The following B3GALT1 variants were observed in gnomAD, a reference collection of about 807,000 sequenced individuals.
B3GALT1 encodes UDP-Gal:betaGlcNAc beta 1,3-galactosyltransferase, polypeptide 1.
B3GALT1 carries 10 observed loss-of-function variants against 23.2 expected under a neutral mutation model. That is an observed-to-expected ratio of 0.43 (90% CI 0.27 to 0.73). The LOEUF is 0.73. B3GALT1 is among the 30% of genes least tolerant of loss of function. B3GALT1 has a pLI of 0.21. For missense variants in B3GALT1, 299 were observed against 405.4 expected, an observed-to-expected ratio of 0.74 and a Z score of 2.25; for synonymous variants, 156 against 141.5, an observed-to-expected ratio of 1.10 and a Z score of -0.73.
chr2:167,773,404 C>CT (rs1016636655), intron 3 of B3GALT1, among the ~76,000 whole-genome samples: 1 of 152,090 alleles, frequency 6.6e-6, no homozygotes, highest in African/African-American at 2.4e-5. Context: ...ATGACTAACA[C>CT]TTCTAAATGG....
chr2:167,462,895 A>G (rs1246599328), intron 1 of B3GALT1, among the ~76,000 whole-genome samples: 1 of 152,164 alleles, frequency 6.6e-6, no homozygotes, highest in Non-Finnish European at 1.5e-5. Context: ...CCTTTTTCAG[A>G]GAATAAAATT....
At chr2:167,472,680 C>G (rs1472973657) in intron 1 of B3GALT1, among the ~76,000 whole-genome samples, 1 of 152,108 alleles carries the variant, frequency 6.6e-6, no homozygotes, top group Admixed American at 6.6e-5. Context: ...GTTCCGTGCT[C>G]TTCCTTTGTC....
At chr2:167,681,723 T>A (rs1198838833) in intron 3 of B3GALT1, among the ~76,000 whole-genome samples, 2 of 152,186 alleles carry the variant, frequency 1.3e-5, no homozygotes, top group African/African-American at 4.8e-5. Context: ...TCTAAACCCA[T>A]ATATGTAGGG....
chr2:167,704,076 G>A (rs1385331613), intron 3 of B3GALT1, among the ~76,000 whole-genome samples: 1 of 151,462 alleles, frequency 6.6e-6, no homozygotes, highest in Non-Finnish European at 1.5e-5. Flanking sequence ...AGCTACTCGG[G>A]AGGCTGAGGC....
At chr2:167,624,073 T>C (rs917012534) in intron 2 of B3GALT1, among the ~76,000 whole-genome samples, 2 of 151,992 alleles carry the variant, frequency 1.3e-5, no homozygotes, top group African/African-American at 4.8e-5. Flanking sequence ...CAAGTCAAGA[T>C]TCAATGGGCT....
intron 1 of B3GALT1, among the ~76,000 whole-genome samples, chr2:167,332,902 AC>A (rs1246160047): frequency 6.6e-6 from 1 of 152,260 alleles, no homozygotes; most frequent in African/African-American, 2.4e-5. Context: ...ATTAATCAGT[AC>A]ATTTCATGCC....
intron 3 of B3GALT1, among the ~76,000 whole-genome samples, chr2:167,664,984 A>T (rs546341857): frequency 0.026 from 4,000 of 151,114 alleles, 169 homozygotes; most frequent in African/African-American, 0.092. Context: ...CCCTGGCCAG[A>T]ACTTCCAACA....
chr2:167,567,233 A>G (rs1185680489), intron 2 of B3GALT1, among the ~76,000 whole-genome samples: 1 of 152,198 alleles, frequency 6.6e-6, no homozygotes, highest in Non-Finnish European at 1.5e-5. Flanking sequence ...TTAAAACTCA[A>G]AAAAATAAGA....
chr2:167,697,660 A>T (rs1318015609), intron 3 of B3GALT1, among the ~76,000 whole-genome samples: 1 of 152,208 alleles, frequency 6.6e-6, no homozygotes, highest in Non-Finnish European at 1.5e-5. Context: ...TTAACCAGGA[A>T]ATCAAGTATT....
intron 2 of B3GALT1, among the ~76,000 whole-genome samples, chr2:167,559,021 A>T (rs1011366789): frequency 1.3e-5 from 2 of 152,176 alleles, no homozygotes; most frequent in Non-Finnish European, 2.9e-5. Context: ...TGGGTCCCTG[A>T]CCCATGTCCC....
At chr2:167,394,371 C>T (rs1698062593) in intron 1 of B3GALT1, among the ~76,000 whole-genome samples, 1 of 152,076 alleles carries the variant, frequency 6.6e-6, no homozygotes, top group African/African-American at 2.4e-5. Flanking sequence ...TTGCATTTAA[C>T]TCAGAAACAA....
Position 167,367,670 on chromosome 2 carries a change from A to G in B3GALT1, c.-511+74336A>G, listed in dbSNP as rs547757460. 2.6e-5 allele frequency among the ~76,000 whole-genome samples: 4 copies of G among 152,310 alleles called. No individual in the cohort carries two copies. In the East Asian group the frequency reaches 7.7e-4, roughly 29 times the overall value. The stretch of plus-strand genomic sequence containing the variant: ...ACTTTACATCTGGGAAAGGCAACAC[A>G]GTTCTTTCCATTTAAGTACATAGAC... On this transcript the variant is annotated intron_variant, in intron 1 of 4. Coordinates refer to ENST00000392690, the MANE Select transcript of B3GALT1 (RefSeq NM_020981.4).
chr2:167,842,838 AT>A (rs1424103631), intron 4 of B3GALT1, among the ~76,000 whole-genome samples: 1 of 152,170 alleles, frequency 6.6e-6, no homozygotes, highest in Non-Finnish European at 1.5e-5. Flanking sequence ...ATGCCACTGT[AT>A]TCCAGCCTGC....
At chr2:167,727,395 A>G (rs958374692) in intron 3 of B3GALT1, among the ~76,000 whole-genome samples, 1 of 152,192 alleles carries the variant, frequency 6.6e-6, no homozygotes, top group Non-Finnish European at 1.5e-5. Context: ...TTAATCACAT[A>G]TAAGATAATA....
intron 1 of B3GALT1, among the ~76,000 whole-genome samples, chr2:167,480,804 A>G (rs1264299205): frequency 6.6e-6 from 1 of 152,128 alleles, no homozygotes; most frequent in Non-Finnish European, 1.5e-5. Context: ...TATTTTGGGA[A>G]GTTTCTATCA....
At chr2:167,804,842 A>G (rs567755499) in intron 3 of B3GALT1, among the ~76,000 whole-genome samples, 237 of 152,330 alleles carry the variant, frequency 1.6e-3, no homozygotes, top group Non-Finnish European at 3.0e-3. Context: ...GTATATACCC[A>G]GTAATGGGAT....
chr2:167,463,492 G>T (rs559368344), intron 1 of B3GALT1, among the ~76,000 whole-genome samples: 18 of 151,956 alleles, frequency 1.2e-4, no homozygotes, highest in Non-Finnish European at 2.2e-4. Context: ...CAAGGTAATA[G>T]GAAAAAAAGA....
intron 1 of B3GALT1, among the ~76,000 whole-genome samples, chr2:167,383,714 T>C (rs1415136849): frequency 2.0e-5 from 3 of 152,178 alleles, no homozygotes; most frequent in Admixed American, 6.5e-5. Context: ...ATCTAGATAC[T>C]TAGTCTGGCT....
intron 1 of B3GALT1, among the ~76,000 whole-genome samples, chr2:167,376,207 T>A (rs1230389952): frequency 6.6e-6 from 1 of 152,076 alleles, no homozygotes; most frequent in African/African-American, 2.4e-5. Flanking sequence ...ACTTGATCAT[T>A]GTGAATTAAC....
Sources: allele counts gnomAD v4.1 joint callset (sites outside exome capture counted in the v4.1 genomes callset), GRCh38; gene constraint gnomAD v4.1.1; transcripts MANE v1.5; gene names NCBI Gene and HGNC (gene_info 2026-07-23, HGNC 2026-07-21).